The following ATG4A variants were observed in gnomAD, a reference collection of about 807,000 sequenced individuals.
The protein encoded by ATG4A is cysteine protease ATG4A.
Under a neutral mutation model 38.4 loss-of-function variants are expected in ATG4A, and 22 were observed. That is an observed-to-expected ratio of 0.57 (90% CI 0.41 to 0.82). The LOEUF (loss-of-function observed/expected upper bound fraction) is 0.82, where lower values mean the gene tolerates loss of function less well. ATG4A is among the 40% of genes least tolerant of loss of function. The pLI, the probability that ATG4A is intolerant of heterozygous loss-of-function variation, is 0.00. For synonymous variants in ATG4A, 86 were observed against 100.7 expected (o/e 0.85, Z 0.88); for missense variants, 220 against 290.0 (o/e 0.76, Z 1.75).
At chrX:108,126,690 A>G in intron 2 of ATG4A, 1 of 875,797 alleles carries the variant, frequency 1.1e-6, no homozygotes, top group Non-Finnish European at 1.5e-6. Flanking sequence ...TGCTGACCGT[A>G]GCACTGTCTC....
chrX:108,123,369 A>G (rs2032709159), intron 1 of ATG4A, among the ~76,000 whole-genome samples: 1 of 112,273 alleles, frequency 8.9e-6, no homozygotes, highest in Non-Finnish European at 1.9e-5. Flanking sequence ...AAAATTTAAA[A>G]CAAAAAGCAT....
At chrX:108,147,436 C>T (rs1166407286) in intron 9 of ATG4A, among the ~76,000 whole-genome samples, 1 of 111,704 alleles carries the variant, frequency 9.0e-6, no homozygotes, top group Non-Finnish European at 1.9e-5. Context: ...TCAATGCCCT[C>T]ACTTTAACAG....
Position 108,091,780 on chromosome X carries a change from C to T in ATG4A, c.-47C>T, listed in dbSNP as rs777768977. ...CCCAGGGATCCTAGCGACCGTCCGT[C>T]CGTAGTCAAGTTGCCGGTGGAATTG... On this transcript the variant is annotated 5_prime_UTR_variant, in exon 1 of 13. Transcript: ENST00000372232. The T allele has an allele frequency of 3.3e-6, 4 of 1,202,974 alleles. No individual in the cohort carries two copies. Among genetic ancestry groups the T allele is most frequent in the East Asian group, 5.9e-5 (2 of 33,731 alleles).
At chrX:108,129,519 C>A (rs2032891442) in intron 3 of ATG4A, among the ~76,000 whole-genome samples, 1 of 111,127 alleles carries the variant, frequency 9.0e-6, no homozygotes, top group Non-Finnish European at 1.9e-5. Context: ...TGAAATCAAC[C>A]TTTCTGTTCA....
chrX:108,111,844 A>G (rs191513555), intron 1 of ATG4A, among the ~76,000 whole-genome samples: 1 of 111,568 alleles, frequency 9.0e-6, no homozygotes, highest in East Asian at 2.8e-4. Context: ...TTCTTAAGCA[A>G]TTATTTAAAA....
chrX:108,146,513 T>C (rs1315339148), intron 9 of ATG4A, among the ~76,000 whole-genome samples: 1 of 111,890 alleles, frequency 8.9e-6, no homozygotes, highest in Non-Finnish European at 1.9e-5. Flanking sequence ...CACCTCAGGA[T>C]CCAATTATTC....
intron 9 of ATG4A, among the ~76,000 whole-genome samples, chrX:108,145,140 T>C (rs181253673): frequency 8.9e-6 from 1 of 112,525 alleles, no homozygotes; most frequent in Non-Finnish European, 1.9e-5. Context: ...TTTAGTCAGA[T>C]TTATTTCCCA....
chrX:108,090,661 T>C (rs1269420671), upstream of ATG4A, among the ~76,000 whole-genome samples: 1 of 111,933 alleles, frequency 8.9e-6, no homozygotes, highest in Admixed American at 9.4e-5. Flanking sequence ...CACAAGGCCA[T>C]CTATAAATAT....
chrX:108,141,036 A>T, intron 9 of ATG4A, among the ~76,000 whole-genome samples: 1 of 76,890 alleles, frequency 1.3e-5, no homozygotes, highest in Non-Finnish European at 2.4e-5. Context: ...ATATACATAT[A>T]TACATATATA....
intron 9 of ATG4A, among the ~76,000 whole-genome samples, chrX:108,145,030 G>A (rs1214036952): frequency 8.9e-6 from 1 of 112,021 alleles, no homozygotes; most frequent in Non-Finnish European, 1.9e-5. Context: ...TGTAGGAGGG[G>A]CCAATTGCAG....
chrX:108,110,664 T>C (rs1434095086), intron 1 of ATG4A, among the ~76,000 whole-genome samples: 1 of 112,092 alleles, frequency 8.9e-6, no homozygotes, highest in African/African-American at 3.2e-5. Flanking sequence ...ATTAACTTTT[T>C]TCAACTTTCA....
intron 9 of ATG4A, among the ~76,000 whole-genome samples, chrX:108,146,153 C>T (rs990363643): frequency 5.4e-5 from 6 of 111,539 alleles, no homozygotes; most frequent in Non-Finnish European, 9.4e-5. Context: ...CAAGGGGACC[C>T]GGCCTCCCCT....
At chrX:108,150,867 T>TAGG (rs2033570075) in intron 10 of ATG4A, among the ~76,000 whole-genome samples, 1 of 112,072 alleles carries the variant, frequency 8.9e-6, no homozygotes, top group Non-Finnish European at 1.9e-5. Flanking sequence ...ACTACGCACT[T>TAGG]AGGAGGAGTC....
At chrX:108,115,118 C>CGTGTGT (rs748772447) in intron 1 of ATG4A, among the ~76,000 whole-genome samples, 33 of 90,189 alleles carry the variant, frequency 3.7e-4, no homozygotes, top group Middle Eastern at 5.6e-3. Flanking sequence ...TGCATGTATG[C>CGTGTGT]GTGTGTGTGT....
intron 2 of ATG4A, 115 bp downstream of exon 2, chrX:108,126,302 C>T (rs1209271348): frequency 1.9e-6 from 1 of 533,515 alleles, no homozygotes; most frequent in African/African-American, 2.4e-5. Context: ...AATGTTAATG[C>T]TACTCTGAGG....
rs1197843857 is a variant in ATG4A, at chrX:108,141,058, GTGTATATATATACA to G, written c.814+2869_814+2882del. Among the ~76,000 whole-genome samples, 295 of 30,559 alleles carry G rather than the reference GTGTATATATATACA, an allele frequency of 9.7e-3. 11 individuals carry two copies. The highest frequency in any genetic ancestry group is 0.011 in the Non-Finnish European group (175 of 16,636). 26.5% of individuals were successfully genotyped at this position (30,559 alleles called of 115,157 possible). On this transcript the variant is annotated intron_variant, in intron 9 of 12. Transcript: ENST00000372232. Reference sequence around the variant, plus strand: ...TATATACATATATATACATATATACGTGTATATATATACATATATATATATATATATATATATAT... The same window carrying G: ...TATATACATATATATACATATATACGTATATATATATATATATATATATAT...
At position 108,137,178 on chromosome X, in the gene ATG4A, A is replaced by G; in HGVS notation, c.547+8A>G. 1 of 1,192,542 alleles carries G rather than the reference A, an allele frequency of 8.4e-7. No individual in the cohort carries two copies. Among genetic ancestry groups the G allele is most frequent in the Non-Finnish European group, 1.1e-6 (1 of 881,508 alleles). Reference sequence around the variant, plus strand: ...TGGTCATTGAAGATATCAGTGAGTTACCAGCCTGTTTAACTTCCCAGCTGA... The same window carrying G: ...TGGTCATTGAAGATATCAGTGAGTTGCCAGCCTGTTTAACTTCCCAGCTGA... On this transcript the variant is annotated splice_region_variant and intron_variant, in intron 7 of 12. Transcript: ENST00000372232.
rs372665401 is a variant in ATG4A at position 108,112,452 on chromosome X, C to T, written c.11-13625C>T. 6.5e-5 allele frequency among the ~76,000 whole-genome samples: 7 copies of T among 108,133 alleles called. No individual in the cohort carries two copies. The East Asian group carries it at 1.2e-3, about 18-fold the overall frequency. 93.9% of individuals were successfully genotyped at this position (108,133 alleles called of 115,157 possible). ...TGTCGCCCTGGCTGGAGTGCAGTGG[C>T]GCAATCTCGGCTCACTGCAAGCTCC... On this transcript the variant is annotated intron_variant, in intron 1 of 12. Coordinates refer to ENST00000372232, the MANE Select transcript of ATG4A (RefSeq NM_052936.5).
rs1312892092 is a variant in ATG4A, at chrX:108,142,842, G to A, written c.814+4651G>A. On this transcript the variant is annotated intron_variant, in intron 9 of 12. Transcript: ENST00000372232. ...AATCTGCTTTGGCAACACCCTCACA[G>A]GCACACCCAGGATCAGTACTTTGTC... 3.6e-5 allele frequency among the ~76,000 whole-genome samples: 4 copies of A among 111,532 alleles called. No individual in the cohort carries two copies. The East Asian group carries it at 1.1e-3, about 31-fold the overall frequency.
Sources: gnomAD v4.1 joint callset for allele counts (sites outside exome capture counted in the v4.1 genomes callset) on GRCh38, gnomAD v4.1.1 for gene constraint, MANE v1.5 for transcripts, NCBI Gene and HGNC (gene_info 2026-07-23, HGNC 2026-07-21) for gene names.